RASSF3: variants seen among roughly 807,000 people sequenced by gnomAD.
The protein encoded by RASSF3 is Ras association domain family member 3.
Under a neutral mutation model 19.9 loss-of-function variants are expected in RASSF3, and 19 were observed. The observed-to-expected ratio is 0.96, with a 90% CI of 0.67 to 1.40. The LOEUF (loss-of-function observed/expected upper bound fraction) is 1.40. RASSF3 is among the 40% of genes most tolerant of loss of function. The probability of loss-of-function intolerance (pLI) is 0.00; values close to 1 mark genes in which losing one functional copy is unlikely to be tolerated. For missense variants in RASSF3, 306 were observed against 289.8 expected, an observed-to-expected ratio of 1.06 and a Z score of -0.41; for synonymous variants, 110 against 104.2, an observed-to-expected ratio of 1.06 and a Z score of -0.34.
chr12:64,610,042 T>TG (rs905483597), upstream of RASSF3, among the ~76,000 whole-genome samples: 12 of 152,012 alleles, frequency 7.9e-5, no homozygotes, highest in South Asian at 1.0e-3. Flanking sequence ...CCGTGGGACC[T>TG]GGGGGGTCCC....
chr12:64,525,980 G>C (rs1460912239), intron 1 of RASSF3, among the ~76,000 whole-genome samples: 3 of 152,098 alleles, frequency 2.0e-5, no homozygotes, highest in African/African-American at 4.8e-5. Flanking sequence ...TGTCTGTAGT[G>C]AGCTCATCTC....
chr12:64,576,863 A>C (rs1263358110), intron 2 of RASSF3, among the ~76,000 whole-genome samples: 5 of 151,946 alleles, frequency 3.3e-5, no homozygotes, highest in African/African-American at 9.6e-5. Flanking sequence ...AAAAAAAAAA[A>C]AAAAAAACTT....
At position 64,694,950 on chromosome 12, in the gene RASSF3, G is replaced by A. The variant is rs148571564; in HGVS notation, c.*38G>A. ...TGCCCGTGAGGCCCGGTGCAGGACC[G>A]ATGTACAAAACAGCAGCAAGTGCCT... On this transcript the variant is annotated 3_prime_UTR_variant, in exon 5 of 5. Transcript: ENST00000542104. 437 of 1,602,848 alleles carry A rather than the reference G, an allele frequency of 2.7e-4. 2 individuals carry two copies. The East Asian group carries it at 8.1e-3, about 30-fold the overall frequency.
rs188227708 is a variant in RASSF3 at position 64,587,020 on chromosome 12, A to G, written c.294+45315A>G. 7.9e-3 allele frequency among the ~76,000 whole-genome samples: 1,102 copies of G among 139,848 alleles called. 12 individuals are homozygous for G. Among genetic ancestry groups the G allele is most frequent in the Non-Finnish European group, 0.011 (716 of 64,052 alleles). 91.7% of individuals were successfully genotyped at this position (139,848 alleles called of 152,430 possible). Reference sequence around the variant, plus strand: ...CAAGTTGATATGTTCTTTAAAATCTATTTTCCATATTCCTCGTATTCCTCG... The same window carrying G: ...CAAGTTGATATGTTCTTTAAAATCTGTTTTCCATATTCCTCGTATTCCTCG... On this transcript the variant is annotated intron_variant, in intron 2 of 5. Transcript: ENST00000637125.
intron 3 of RASSF3, 70 bp from the exon 4 acceptor site, chr12:64,691,400 G>C (rs1868277892): frequency 9.8e-7 from 1 of 1,016,226 alleles, no homozygotes; most frequent in African/African-American, 1.6e-5. Context: ...TGGAGGAGGG[G>C]ATCACAATGG....
upstream of RASSF3, among the ~76,000 whole-genome samples, chr12:64,528,813 G>T (rs567441119): frequency 6.6e-6 from 1 of 152,150 alleles, no homozygotes; most frequent in South Asian, 2.1e-4. Context: ...GCTGTGACTC[G>T]CAGTGACTGA....
At chr12:64,597,854 C>T (rs984965207) in intron 2 of RASSF3, among the ~76,000 whole-genome samples, 2 of 152,130 alleles carry the variant, frequency 1.3e-5, no homozygotes, top group Admixed American at 6.6e-5. Context: ...ATTCCTCTTA[C>T]GTATCCTTCT....
intron 1 of RASSF3, among the ~76,000 whole-genome samples, chr12:64,611,217 C>A (rs1870350280): frequency 6.6e-6 from 1 of 152,202 alleles, no homozygotes; most frequent in Non-Finnish European, 1.5e-5. Flanking sequence ...CTGACCTCCC[C>A]TCTTCCTGGC....
chr12:64,538,522 G>A (rs577746581), intron 1 of RASSF3, among the ~76,000 whole-genome samples: 1 of 151,894 alleles, frequency 6.6e-6, no homozygotes, highest in African/African-American at 2.4e-5. Context: ...AGCTCTAATT[G>A]CCACCCTTTT....
intron 1 of RASSF3, among the ~76,000 whole-genome samples, chr12:64,516,002 A>G (rs1046128296): frequency 2.0e-5 from 3 of 152,226 alleles, no homozygotes; most frequent in Non-Finnish European, 4.4e-5. Flanking sequence ...ATGGATTTAA[A>G]AACTGGAAAA....
At chr12:64,656,459 A>G (rs1384872295) in intron 1 of RASSF3, among the ~76,000 whole-genome samples, 1 of 152,210 alleles carries the variant, frequency 6.6e-6, no homozygotes, top group Admixed American at 6.5e-5. Flanking sequence ...AGTGATGCTT[A>G]AAAAATGCTG....
intron 1 of RASSF3, among the ~76,000 whole-genome samples, chr12:64,669,260 G>C (rs1308989441): frequency 6.6e-6 from 1 of 152,172 alleles, no homozygotes; most frequent in Non-Finnish European, 1.5e-5. Flanking sequence ...GAGGAAATTG[G>C]TGACTTAGAT....
chr12:64,531,996 A>G (rs1182760680), upstream of RASSF3, among the ~76,000 whole-genome samples: 1 of 152,228 alleles, frequency 6.6e-6, no homozygotes, highest in East Asian at 1.9e-4. Context: ...AAGTAATGCA[A>G]TCTTCCTTAG....
chr12:64,604,947 T>A (rs536800716), intron 2 of RASSF3, among the ~76,000 whole-genome samples: 5 of 151,926 alleles, frequency 3.3e-5, no homozygotes, highest in African/African-American at 1.2e-4. Flanking sequence ...CCTATCATCT[T>A]TGAGTTTGTC....
At chr12:64,599,686 A>C (rs1404937756) in intron 2 of RASSF3, among the ~76,000 whole-genome samples, 2 of 152,078 alleles carry the variant, frequency 1.3e-5, no homozygotes, top group African/African-American at 2.4e-5. Flanking sequence ...CCACGCTTCC[A>C]GGGGAAGATG....
At chr12:64,679,047 CTT>C (rs1204853667) in intron 1 of RASSF3, among the ~76,000 whole-genome samples, 1 of 152,174 alleles carries the variant, frequency 6.6e-6, no homozygotes, top group Non-Finnish European at 1.5e-5. Flanking sequence ...CACCTTCTCT[CTT>C]TTGAACAGTC....
chr12:64,530,708 G>T (rs1486818949), upstream of RASSF3, among the ~76,000 whole-genome samples: 1 of 152,156 alleles, frequency 6.6e-6, no homozygotes, highest in Non-Finnish European at 1.5e-5. Context: ...AGTTCCAGTT[G>T]CTCCACATCC....
At chr12:64,626,378 A>AT (rs1322337265) in intron 1 of RASSF3, among the ~76,000 whole-genome samples, 1 of 151,760 alleles carries the variant, frequency 6.6e-6, no homozygotes, top group Non-Finnish European at 1.5e-5. Flanking sequence ...TTTACTAAAA[A>AT]TACAAAAATT....
chr12:64,539,391 A>T (rs1017170534), intron 1 of RASSF3, among the ~76,000 whole-genome samples: 1 of 152,182 alleles, frequency 6.6e-6, no homozygotes. Flanking sequence ...GAATTTGGGA[A>T]TTAAGTTTCC....
Sources: allele counts gnomAD v4.1 joint callset (sites outside exome capture counted in the v4.1 genomes callset), GRCh38; gene constraint gnomAD v4.1.1; transcripts MANE v1.5; gene names NCBI Gene and HGNC (gene_info 2026-07-23, HGNC 2026-07-21).